Variants in PRSS38 observed in about 807,000 individuals in gnomAD.
PRSS38 encodes marapsin 2.
Under a neutral mutation model 26.8 loss-of-function variants are expected in PRSS38, and 22 were observed. The observed-to-expected ratio is 0.82, with a 90% CI of 0.59 to 1.17. The LOEUF is 1.17. Ranked by LOEUF, PRSS38 falls within the 50% of genes most tolerant of loss-of-function variation. The pLI is 0.00. For missense variants in PRSS38, 427 were observed against 422.7 expected (o/e 1.01, Z -0.09); for synonymous variants, 175 against 172.1 (o/e 1.02, Z -0.13).
intron 3 of PRSS38, among the ~76,000 whole-genome samples, chr1:227,839,953 T>C (rs1665294092): frequency 6.6e-6 from 1 of 152,112 alleles, no homozygotes; most frequent in African/African-American, 2.4e-5. Flanking sequence ...GGCTTTATCT[T>C]GAGAATATTT....
chr1:227,816,204 C>T lies in PRSS38; in HGVS notation c.263C>T (p.Ser88Phe), dbSNP rs146790341. 38 of 1,613,694 alleles carry T rather than the reference C, an allele frequency of 2.4e-5. No homozygotes were observed. The highest frequency in any genetic ancestry group is 2.3e-4 in the South Asian group (21 of 91,078). The change falls in exon 2 of 5, where the codon TCC becomes TTC. Residue 88 changes from serine (S) to phenylalanine (F), a missense_variant. Transcript: ENST00000366757. This position sits in a 1 kb window ranked among gnomAD's most constrained non-coding sequence, Gnocchi z 5.1. ...GCAGGCCTCCACGTCTGCGGCGGCTCCATCCTCAATGAGTACTGGGTGCTG... is the reference window on the plus strand; with the variant it reads ...GCAGGCCTCCACGTCTGCGGCGGCTTCATCCTCAATGAGTACTGGGTGCTG...
exon 5 of PRSS38, chr1:227,846,374 G>GA (rs555789810): frequency 1.5e-5 from 13 of 852,264 alleles, no homozygotes; most frequent in African/African-American, 1.2e-4. Flanking sequence ...GTGTACAAAA[G>GA]AAAAAAGGGA....
At chr1:227,824,307 G>C (rs1005512352) in intron 3 of PRSS38, among the ~76,000 whole-genome samples, 14 of 152,158 alleles carry the variant, frequency 9.2e-5, no homozygotes, top group African/African-American at 3.4e-4. Context: ...CCACTTATGA[G>C]TGAGAACATG....
At chr1:227,839,628 G>A (rs185307868) in intron 3 of PRSS38, among the ~76,000 whole-genome samples, 4 of 152,312 alleles carry the variant, frequency 2.6e-5, no homozygotes, top group Admixed American at 2.6e-4. Context: ...TTGAGACTGT[G>A]AACATCTTGT....
At chr1:227,836,857 C>CT (rs1255573268) in intron 3 of PRSS38, among the ~76,000 whole-genome samples, 1 of 152,140 alleles carries the variant, frequency 6.6e-6, no homozygotes, top group South Asian at 2.1e-4. Context: ...TTAACATATT[C>CT]TTTTTTCATT....
chr1:227,845,744 T>C, intron 4 of PRSS38, 132 bp downstream of exon 4: 1 of 1,242,458 alleles, frequency 8.0e-7, no homozygotes, highest in Non-Finnish European at 1.1e-6. Flanking sequence ...CAGGGCGATG[T>C]ATGACAATGT....
chr1:227,832,222 G>T (rs144472518), intron 3 of PRSS38, among the ~76,000 whole-genome samples: 253 of 152,256 alleles, frequency 1.7e-3, no homozygotes, highest in Non-Finnish European at 3.1e-3. Flanking sequence ...AAAGCATATA[G>T]TTGGGTCTTC....
At chr1:227,834,527 G>T (rs1558236110) in intron 3 of PRSS38, among the ~76,000 whole-genome samples, 1 of 152,066 alleles carries the variant, frequency 6.6e-6, no homozygotes, top group African/African-American at 2.4e-5. Context: ...AAATTAGCCG[G>T]GCGTGGTGGT....
At chr1:227,818,193 T>C (rs1329969117) in intron 3 of PRSS38, among the ~76,000 whole-genome samples, 5 of 152,224 alleles carry the variant, frequency 3.3e-5, no homozygotes, top group Non-Finnish European at 5.9e-5. Flanking sequence ...TTATAATGGT[T>C]CACTATAGCA....
At chr1:227,831,836 A>C (rs1665157405) in intron 3 of PRSS38, among the ~76,000 whole-genome samples, 1 of 152,174 alleles carries the variant, frequency 6.6e-6, no homozygotes, top group Admixed American at 6.5e-5. Context: ...TGAGTGACAG[A>C]GCGAGACTCC....
At chr1:227,838,205 G>T (rs1665266222) in intron 3 of PRSS38, among the ~76,000 whole-genome samples, 1 of 152,182 alleles carries the variant, frequency 6.6e-6, no homozygotes, top group South Asian at 2.1e-4. Flanking sequence ...AGTTTACAAA[G>T]ATAATTTTCA....
At position 227,825,348 on chromosome 1, in the gene PRSS38, C is replaced by T. The variant is rs533398729; in HGVS notation, c.583+7868C>T. On this transcript the variant is annotated intron_variant, in intron 3 of 4. Coordinates refer to ENST00000366757, the Ensembl canonical transcript of PRSS38. ...CTGGGATTACAGGCACATGCCACCA[C>T]GCCCAGCTAGTTTTTGTATTTTTAG... Among the ~76,000 whole-genome samples, 18 of 152,242 alleles carry T rather than the reference C, an allele frequency of 1.2e-4. No homozygotes were observed. The South Asian group carries it at 1.9e-3, about 16-fold the overall frequency.
chr1:227,846,137 G>A (rs1451871268), exon 5 of PRSS38: 1 of 1,613,908 alleles, frequency 6.2e-7, no homozygotes, highest in Non-Finnish European at 8.5e-7. Context: ...GCCAGCCCCT[G>A]CTCTCTCTCC....
chr1:227,819,903 A>T (rs181985473), intron 3 of PRSS38, among the ~76,000 whole-genome samples: 209 of 152,172 alleles, frequency 1.4e-3, no homozygotes, highest in Admixed American at 2.9e-3. Context: ...ATCCTGGCCA[A>T]CATGGTGAAA....
chr1:227,829,530 A>G (rs1214925470), intron 3 of PRSS38, among the ~76,000 whole-genome samples: 3 of 152,148 alleles, frequency 2.0e-5, no homozygotes, highest in Non-Finnish European at 2.9e-5. Flanking sequence ...AGTATATTGT[A>G]TATACTTATA....
chr1:227,833,205 A>G (rs1417737164), intron 3 of PRSS38, among the ~76,000 whole-genome samples: 1 of 152,200 alleles, frequency 6.6e-6, no homozygotes, highest in African/African-American at 2.4e-5. Context: ...TAATTAGAAG[A>G]GGCCACAAAT....
chr1:227,818,198 A>C (rs966799662), intron 3 of PRSS38, among the ~76,000 whole-genome samples: 1 of 152,210 alleles, frequency 6.6e-6, no homozygotes, highest in African/African-American at 2.4e-5. Flanking sequence ...ATGGTTCACT[A>C]TAGCATTTGT....
At chr1:227,845,741 A>G in intron 4 of PRSS38, 129 bp downstream of exon 4, 1 of 1,234,210 alleles carries the variant, frequency 8.1e-7, no homozygotes, top group Non-Finnish European at 1.1e-6. Flanking sequence ...GAGCAGGGCG[A>G]TGTATGACAA....
chr1:227,845,740 G>C, intron 4 of PRSS38, 128 bp downstream of exon 4: 9 of 1,256,710 alleles, frequency 7.2e-6, no homozygotes. Flanking sequence ...TGAGCAGGGC[G>C]ATGTATGACA....
Sources: allele counts gnomAD v4.1 joint callset (sites outside exome capture counted in the v4.1 genomes callset), GRCh38; gene constraint gnomAD v4.1.1; non-coding constraint Gnocchi (gnomAD v3.1); transcripts MANE v1.5; gene names NCBI Gene and HGNC (gene_info 2026-07-23, HGNC 2026-07-21).